The following PPP4R1 variants were observed in gnomAD, a reference collection of about 807,000 sequenced individuals.
PPP4R1 encodes protein phosphatase 4 regulatory subunit 1.
PPP4R1 carries 42 observed loss-of-function variants against 111.2 expected under a neutral mutation model. The observed-to-expected ratio is 0.38, with a 90% CI of 0.29 to 0.49. The LOEUF is 0.49. PPP4R1 is among the 20% of genes least tolerant of loss of function. The probability of loss-of-function intolerance (pLI) is 0.97; values close to 1 mark genes in which losing one functional copy is unlikely to be tolerated. For missense variants in PPP4R1, 1,012 were observed against 1,161.6 expected, an observed-to-expected ratio of 0.87 and a Z score of 1.87; for synonymous variants, 409 against 405.5, an observed-to-expected ratio of 1.01 and a Z score of -0.10.
intron 13 of PPP4R1, among the ~76,000 whole-genome samples, chr18:9,559,990 G>A (rs2066647178): frequency 6.6e-6 from 1 of 152,066 alleles, no homozygotes; most frequent in Admixed American, 6.6e-5. Flanking sequence ...TTTGCAACAT[G>A]TTCATTAAAA....
intron 14 of PPP4R1, 83 bp from the exon 15 acceptor site, chr18:9,557,465 A>G (rs1351978498): frequency 3.2e-6 from 4 of 1,237,000 alleles, no homozygotes; most frequent in Non-Finnish European, 4.4e-6. Flanking sequence ...AGGCTAATTT[A>G]TATATGAATG....
chr18:9,553,305 A>G lies in PPP4R1; in HGVS notation c.2291+17T>C, dbSNP rs747288289. Reference sequence around the variant, plus strand: ...ATACCCCTCCAAAACATAATCTAATAAACTGTTAGAACTTACTCAGCCAGT... The same window carrying G: ...ATACCCCTCCAAAACATAATCTAATGAACTGTTAGAACTTACTCAGCCAGT... On this transcript the variant is annotated intron_variant, in intron 16 of 19. Transcript: ENST00000400556. The G allele has an allele frequency of 1.3e-6, 2 of 1,527,140 alleles. No homozygotes were observed. The highest frequency in any genetic ancestry group is 2.7e-5 in the African/African-American group (2 of 72,736). 94.6% of individuals were successfully genotyped at this position (1,527,140 alleles called of 1,614,324 possible).
At chr18:9,550,537 A>T in intron 16 of PPP4R1, 139 bp from the exon 17 acceptor site, 7 of 932,590 alleles carry the variant, frequency 7.5e-6, no homozygotes, top group Non-Finnish European at 1.1e-5. Context: ...GATTAAGCAG[A>T]CCTCTCCTGT....
At chr18:9,557,125 A>C in intron 15 of PPP4R1, 96 bp downstream of exon 15, 1 of 1,231,602 alleles carries the variant, frequency 8.1e-7, no homozygotes, top group Non-Finnish European at 1.1e-6. Flanking sequence ...CTTACATAGA[A>C]ACACAAAGAA....
In PPP4R1 at chr18:9,584,772, G is replaced by A. The variant is rs2067088864; in HGVS notation, c.642C>T (p.Leu214=). ...VGKDITERLI[L]PRFCEMCCDC... ...CGCAGCACATCTCACAAAACCTAGG[G>A]AGGATAAGACGCTCTGTAATATCCT... is the stretch of plus-strand genomic sequence containing the variant. The change falls in exon 7 of 20, where the codon CTC becomes CTT. Residue 214 remains leucine (L), a synonymous_variant. Coordinates refer to ENST00000400556, the MANE Select transcript of PPP4R1 (RefSeq NM_001042388.3). 1 of 1,613,828 alleles carries A rather than the reference G, an allele frequency of 6.2e-7. No homozygotes were observed. Among genetic ancestry groups the A allele is most frequent in the Non-Finnish European group, 8.5e-7 (1 of 1,179,812 alleles).
At chr18:9,592,303 G>A (rs2067224123) in intron 4 of PPP4R1, among the ~76,000 whole-genome samples, 1 of 152,062 alleles carries the variant, frequency 6.6e-6, no homozygotes, top group Admixed American at 6.6e-5. Context: ...TGTCAGGTTG[G>A]CCTCATTGTT....
rs2066836486 is a variant in PPP4R1, at chr18:9,570,170, A to G, written c.1560T>C (p.Asp520=). 1 of 1,516,458 alleles carries G rather than the reference A, an allele frequency of 6.6e-7. No individual in the cohort carries two copies. The highest frequency in any genetic ancestry group is 1.3e-5 in the South Asian group (1 of 75,318). 93.9% of individuals were successfully genotyped at this position (1,516,458 alleles called of 1,614,324 possible). A position where few individuals can be genotyped will look rare whatever the true frequency, so the allele number is the denominator to read the frequency against. ...TGACTTCCATACCTTTAACATCTGG[A>G]TCATCAATGTGGGGCTCTAGATTTT... The part of the protein sequence containing the change: ...MIENLEPHID[D]PDVKAQVEVL... The change falls in exon 11 of 20, where the codon GAT becomes GAC. Residue 520 remains aspartate (D), a synonymous_variant. Coordinates refer to ENST00000400556, the MANE Select transcript of PPP4R1 (RefSeq NM_001042388.3).
chr18:9,594,990 C>T (rs1555674240), intron 3 of PPP4R1, 28 bp downstream of exon 3: 1 of 1,604,970 alleles, frequency 6.2e-7, no homozygotes, highest in South Asian at 1.1e-5. Flanking sequence ...CTTCCACTTC[C>T]ACTTTAACAA....
intron 18 of PPP4R1, 82 bp from the exon 19 acceptor site, chr18:9,549,420 G>C: frequency 6.6e-7 from 1 of 1,507,704 alleles, no homozygotes; most frequent in Non-Finnish European, 9.0e-7. Context: ...ATCTCTGAGT[G>C]ACCACAGGTA....
At chr18:9,588,361 A>ACACAAATATT in intron 5 of PPP4R1, 126 bp from the exon 6 acceptor site, 2 of 1,029,448 alleles carry the variant, frequency 1.9e-6, no homozygotes, top group Non-Finnish European at 2.8e-6. Flanking sequence ...CCGCAAATAA[A>ACACAAATATT]TATTTGTGTT....
At chr18:9,572,784 A>T (rs535627149) in intron 10 of PPP4R1, among the ~76,000 whole-genome samples, 1 of 152,350 alleles carries the variant, frequency 6.6e-6, no homozygotes, top group Non-Finnish European at 1.5e-5. Flanking sequence ...TAAAATACTG[A>T]TGAACAAAAA....
intron 10 of PPP4R1, among the ~76,000 whole-genome samples, chr18:9,576,292 C>T (rs1041887789): frequency 6.6e-6 from 1 of 152,046 alleles, no homozygotes; most frequent in African/African-American, 2.4e-5. Context: ...GGGACTGTTT[C>T]AAATATTTGT....
chr18:9,574,921 T>C (rs937064717), intron 10 of PPP4R1, among the ~76,000 whole-genome samples: 1 of 152,226 alleles, frequency 6.6e-6, no homozygotes, highest in Middle Eastern at 3.2e-3. Flanking sequence ...TAACGAATGC[T>C]TATTTTACAT....
At chr18:9,572,770 T>C (rs2066881663) in intron 10 of PPP4R1, among the ~76,000 whole-genome samples, 3 of 152,242 alleles carry the variant, frequency 2.0e-5, no homozygotes, top group Non-Finnish European at 4.4e-5. Flanking sequence ...AGGTGATTAT[T>C]TTTTAAAATA....
intron 2 of PPP4R1, chr18:9,613,530 A>G (rs1657717787): frequency 6.6e-6 from 1 of 152,180 alleles, no homozygotes; most frequent in South Asian, 2.1e-4. Flanking sequence ...TCAGTACCTC[A>G]AAGGAAAGCT....
Position 9,550,039 on chromosome 18 carries a change from G to A in PPP4R1, c.2547+13C>T. The A allele has an allele frequency of 6.2e-7, 1 of 1,614,158 alleles. No individual in the cohort carries two copies. The highest frequency in any genetic ancestry group is 1.1e-5 in the South Asian group (1 of 91,080). On this transcript the variant is annotated intron_variant, in intron 18 of 19. Transcript: ENST00000400556. ...AAAAACTCACAAACAGGTAAGCCCA[G>A]GGCCTCGCTTACCTGGCAGACAAAG...
At chr18:9,583,903 A>T (rs1266346845) in intron 8 of PPP4R1, among the ~76,000 whole-genome samples, 2 of 152,146 alleles carry the variant, frequency 1.3e-5, no homozygotes, top group East Asian at 3.9e-4. Context: ...CACAAAAGTG[A>T]TAATCAAAAC....
At chr18:9,599,316 A>C (rs1288728022) in intron 2 of PPP4R1, among the ~76,000 whole-genome samples, 1 of 152,162 alleles carries the variant, frequency 6.6e-6, no homozygotes, top group Admixed American at 6.6e-5. Flanking sequence ...TTAATTATAA[A>C]CTCTAAAGCA....
At chr18:9,584,655 T>C in intron 7 of PPP4R1, 66 bp downstream of exon 7, 1 of 1,601,924 alleles carries the variant, frequency 6.2e-7, no homozygotes, top group Non-Finnish European at 8.5e-7. Context: ...TTAAATATCA[T>C]GTATCAGTAC....
Sources: gnomAD v4.1 joint callset for allele counts (sites outside exome capture counted in the v4.1 genomes callset) on GRCh38, gnomAD v4.1.1 for gene constraint, MANE v1.5 for transcripts, NCBI Gene and HGNC (gene_info 2026-07-23, HGNC 2026-07-21) for gene names.